The following PTCHD4 variants were observed in gnomAD, a reference collection of about 807,000 sequenced individuals.
The protein encoded by PTCHD4 is patched domain-containing protein 4.
In PTCHD4, 33 loss-of-function variants were observed where a neutral mutation model predicts 58.1. The ratio of observed to expected loss-of-function variants is 0.57; its 90% CI spans 0.43 to 0.76. The LOEUF is 0.76. PTCHD4 is among the 30% of genes least tolerant of loss of function. The pLI is 0.00. For synonymous variants in PTCHD4, 478 were observed against 409.6 expected, an observed-to-expected ratio of 1.17 and a Z score of -2.02; for missense variants, 1,058 against 1,027.1, an observed-to-expected ratio of 1.03 and a Z score of -0.41.
At chr6:47,951,711 C>T (rs1413497613) in intron 4 of PTCHD4, among the ~76,000 whole-genome samples, 4 of 151,964 alleles carry the variant, frequency 2.6e-5, no homozygotes, top group African/African-American at 9.7e-5. Context: ...GAATATTTGA[C>T]CAGACATCAG....
chr6:47,983,505 G>A (rs1453592062), intron 4 of PTCHD4, among the ~76,000 whole-genome samples: 1 of 152,084 alleles, frequency 6.6e-6, no homozygotes, highest in Admixed American at 6.5e-5. Flanking sequence ...TTCTATTTAG[G>A]AAGGTACATT....
At position 47,869,957 on chromosome 6, in the gene PTCHD4, A is replaced by G. The variant is rs1328977; in HGVS notation, c.*8346T>C. ...TACTAACAATAAAGAATGAAGAAAA[A>G]TCTGGCGAATTTAAGAATAACCTAG... On this transcript the variant is annotated 3_prime_UTR_variant, in exon 5 of 5. Coordinates refer to ENST00000339488, the MANE Select transcript of PTCHD4 (RefSeq NM_001384253.1). Among the ~76,000 whole-genome samples, 101,330 of 151,330 alleles carry G rather than the reference A, an allele frequency of 0.67. 34,369 individuals carry two copies. Among genetic ancestry groups the G allele is most frequent in the East Asian group, 0.78 (4,002 of 5,118 alleles).
At chr6:47,969,997 G>A (rs774347075) in intron 4 of PTCHD4, among the ~76,000 whole-genome samples, 3 of 152,130 alleles carry the variant, frequency 2.0e-5, no homozygotes, top group African/African-American at 4.8e-5. Context: ...CCTTAAGGAG[G>A]TCGCATTAGT....
At chr6:48,013,315 A>T (rs548623554) in intron 3 of PTCHD4, among the ~76,000 whole-genome samples, 1 of 151,576 alleles carries the variant, frequency 6.6e-6, no homozygotes, top group South Asian at 2.1e-4. Context: ...GAATACAATC[A>T]TTCTATTTAT....
rs148525194 is a variant in PTCHD4 at position 48,097,182 on chromosome 6, G to C, written c.-970+13867C>G. On this transcript the variant is annotated intron_variant, in intron 1 of 4. Transcript: ENST00000339488. ...AAGCTTATAAAATTTAAATGTGCTT[G>C]AGAAAGACAAGCATAATTTAAAAAA... Among the ~76,000 whole-genome samples the C allele has an allele frequency of 6.3e-4, 95 of 151,958 alleles. 2 individuals are homozygous for C. In the East Asian group the frequency reaches 0.013, roughly 21 times the overall value.
At chr6:47,954,566 A>T (rs1766781467) in intron 4 of PTCHD4, among the ~76,000 whole-genome samples, 1 of 152,226 alleles carries the variant, frequency 6.6e-6, no homozygotes, top group Admixed American at 6.5e-5. Context: ...CATGAAGTAC[A>T]CTAAAGTGAG....
intron 4 of PTCHD4, among the ~76,000 whole-genome samples, chr6:47,952,159 G>A (rs1034433080): frequency 6.6e-6 from 1 of 152,098 alleles, no homozygotes; most frequent in Non-Finnish European, 1.5e-5. Context: ...TGGTGGTAGT[G>A]GTAAGGTAAT....
At chr6:47,914,662 T>G (rs923008408) in intron 4 of PTCHD4, among the ~76,000 whole-genome samples, 7 of 149,618 alleles carry the variant, frequency 4.7e-5, no homozygotes, top group Admixed American at 1.3e-4. Context: ...ATAAAAAGAT[T>G]TTTATATAAT....
intron 4 of PTCHD4, among the ~76,000 whole-genome samples, chr6:47,995,571 G>C (rs1289158762): frequency 6.6e-6 from 1 of 152,078 alleles, no homozygotes; most frequent in Non-Finnish European, 1.5e-5. Flanking sequence ...TTGAGAGTTT[G>C]GTTTGCCACT....
At chr6:48,012,770 T>A (rs1482769232) in intron 3 of PTCHD4, among the ~76,000 whole-genome samples, 1 of 152,152 alleles carries the variant, frequency 6.6e-6, no homozygotes, top group African/African-American at 2.4e-5. Flanking sequence ...TTTTCAAAAG[T>A]TTTTAGCATG....
At chr6:47,946,536 G>A (rs982894272) in intron 4 of PTCHD4, among the ~76,000 whole-genome samples, 1 of 151,916 alleles carries the variant, frequency 6.6e-6, no homozygotes, top group Non-Finnish European at 1.5e-5. Flanking sequence ...TGGCTGACTT[G>A]TATTTTTCTA....
intron 4 of PTCHD4, among the ~76,000 whole-genome samples, chr6:47,967,637 A>G (rs1338401092): frequency 6.6e-6 from 1 of 152,184 alleles, no homozygotes; most frequent in Non-Finnish European, 1.5e-5. Flanking sequence ...GGTACATCAT[A>G]TTAGCCAGAT....
rs902969720 is a variant in PTCHD4, at chr6:47,876,746, A to G, written c.*1557T>C. Among the ~76,000 whole-genome samples the G allele has an allele frequency of 6.6e-6, 1 of 152,014 alleles. No individual in the cohort carries two copies. The highest frequency in any genetic ancestry group is 1.5e-5 in the Non-Finnish European group (1 of 67,946). ...GAAATAAATTATGTTACTGCTTGGC[A>G]TGGGAAAAGGCATTTTCTAGTAATT... On this transcript the variant is annotated 3_prime_UTR_variant, in exon 5 of 5. Coordinates refer to ENST00000339488, the MANE Select transcript of PTCHD4 (RefSeq NM_001384253.1).
intron 1 of PTCHD4, among the ~76,000 whole-genome samples, chr6:48,085,826 A>T (rs563750869): frequency 6.6e-6 from 1 of 152,242 alleles, no homozygotes; most frequent in East Asian, 1.9e-4. Flanking sequence ...CTGTTTATCT[A>T]TGAGTTAGGG....
chr6:48,075,470 AATC>A (rs540847267), intron 1 of PTCHD4, among the ~76,000 whole-genome samples: 2 of 144,794 alleles, frequency 1.4e-5, no homozygotes, highest in Admixed American at 1.4e-4. Context: ...TAGTTAGTTT[AATC>A]ACTTAACTGC....
rs546142266 is a variant in PTCHD4, at chr6:47,862,695, G to C, written c.*15608C>G. On this transcript the variant is annotated 3_prime_UTR_variant, in exon 5 of 5. Coordinates refer to ENST00000339488, the MANE Select transcript of PTCHD4 (RefSeq NM_001384253.1). ...CTTAAGTATTCTTTTCTTCTATTAGGTTATAAATTACTCAAATAGCTAGAA... is the reference window on the plus strand; with the variant it reads ...CTTAAGTATTCTTTTCTTCTATTAGCTTATAAATTACTCAAATAGCTAGAA... Among the ~76,000 whole-genome samples, 26 of 151,568 alleles carry C rather than the reference G, an allele frequency of 1.7e-4. No homozygotes were observed. Among genetic ancestry groups the C allele is most frequent in the Non-Finnish European group, 2.5e-4 (17 of 67,808 alleles).
chr6:47,924,120 C>G (rs1423171300), intron 4 of PTCHD4, among the ~76,000 whole-genome samples: 1 of 152,114 alleles, frequency 6.6e-6, no homozygotes, highest in Non-Finnish European at 1.5e-5. Context: ...ACATGGAATT[C>G]ACTATCTTGG....
chr6:48,065,306 T>A (rs774160957), intron 3 of PTCHD4, among the ~76,000 whole-genome samples: 1 of 152,206 alleles, frequency 6.6e-6, no homozygotes, highest in Non-Finnish European at 1.5e-5. Context: ...AATTTCCTAA[T>A]TTTCTGCCTT....
At chr6:48,009,671 CA>C (rs560098862) in intron 3 of PTCHD4, among the ~76,000 whole-genome samples, 2 of 152,176 alleles carry the variant, frequency 1.3e-5, no homozygotes, top group East Asian at 3.9e-4. Context: ...AAGAGCAGTA[CA>C]AAAAATATTG....
Sources: allele counts gnomAD v4.1 joint callset (sites outside exome capture counted in the v4.1 genomes callset), GRCh38; gene constraint gnomAD v4.1.1; transcripts MANE v1.5; gene names NCBI Gene and HGNC (gene_info 2026-07-23, HGNC 2026-07-21).